The following KCNG2 variants were observed in gnomAD, a reference collection of about 807,000 sequenced individuals.
KCNG2 encodes voltage-gated potassium channel regulatory subunit KCNG2.
KCNG2 carries 7 observed loss-of-function variants against 12.3 expected under a neutral mutation model. The observed-to-expected ratio is 0.57, with a 90% CI of 0.32 to 1.07. KCNG2 has a LOEUF of 1.07. Among genes scored for constraint, KCNG2 ranks in the 50% least tolerant of loss-of-function variants. The pLI is 0.04. For synonymous variants in KCNG2, 414 were observed against 351.4 expected (o/e 1.18, Z -1.99); for missense variants, 703 against 726.0 (o/e 0.97, Z 0.36).
At chr18:79,807,382 C>A (rs1218879140) in intron 1 of KCNG2, among the ~76,000 whole-genome samples, 8 of 152,170 alleles carry the variant, frequency 5.3e-5, no homozygotes, top group Non-Finnish European at 4.4e-5. Context: ...AGATGATGAG[C>A]CTTTCTGCTC....
chr18:79,867,974 G>A lies in KCNG2; in HGVS notation c.624+3683G>A, dbSNP rs183611273. ...TGACTTAAATACAGGTTTGGAAGTCGGCTGCTGCCTGCAGTCTGGGTGTCT... is the reference window on the plus strand; with the variant it reads ...TGACTTAAATACAGGTTTGGAAGTCAGCTGCTGCCTGCAGTCTGGGTGTCT... On this transcript the variant is annotated intron_variant, in intron 3 of 3. Coordinates refer to ENST00000316249, the MANE Select transcript of KCNG2 (RefSeq NM_012283.2). Among the ~76,000 whole-genome samples, 42 of 152,280 alleles carry A rather than the reference G, an allele frequency of 2.8e-4. No homozygotes were observed. In the East Asian group the frequency reaches 7.1e-3, roughly 26 times the overall value.
intron 3 of KCNG2, among the ~76,000 whole-genome samples, chr18:79,869,847 C>T (rs1979759360): frequency 6.6e-6 from 1 of 152,340 alleles, no homozygotes; most frequent in South Asian, 2.1e-4. Flanking sequence ...GAGAGGTCAC[C>T]AGTGGTCACG....
chr18:79,827,452 T>C (rs1419219553), intron 1 of KCNG2, among the ~76,000 whole-genome samples: 2 of 152,180 alleles, frequency 1.3e-5, no homozygotes, highest in African/African-American at 2.4e-5. Context: ...GCCCCACCAG[T>C]GGGGCAGGGC....
intron 1 of KCNG2, among the ~76,000 whole-genome samples, chr18:79,828,846 GCA>G (rs776121122): frequency 7.5e-6 from 1 of 133,420 alleles, no homozygotes; most frequent in Non-Finnish European, 1.6e-5. Flanking sequence ...CATGATGTGT[GCA>G]TGTGTCTGTG....
At chr18:79,828,698 G>A (rs1978288228) in intron 1 of KCNG2, among the ~76,000 whole-genome samples, 1 of 150,412 alleles carries the variant, frequency 6.6e-6, no homozygotes, top group African/African-American at 2.4e-5. Context: ...TCCGTCTACA[G>A]GAATTTGCGT....
intron 3 of KCNG2, among the ~76,000 whole-genome samples, chr18:79,874,579 C>T (rs1185641913): frequency 6.6e-6 from 1 of 152,204 alleles, no homozygotes; most frequent in African/African-American, 2.4e-5. Context: ...GGGGGGCCCA[C>T]CCCAGAATTG....
intron 1 of KCNG2, among the ~76,000 whole-genome samples, chr18:79,852,203 C>T (rs1354734649): frequency 6.6e-6 from 1 of 152,224 alleles, no homozygotes; most frequent in East Asian, 1.9e-4. Context: ...GGTCCCCCGC[C>T]TCCAGTGACC....
In KCNG2 at chr18:79,899,378, G is replaced by A. The variant is rs906108465; in HGVS notation, c.963G>A (p.Glu321=). 6.4e-7 allele frequency: 1 copy of A among 1,564,068 alleles called. No individual in the cohort carries two copies. Residue 321 remains glutamate, a synonymous_variant, in exon 4 of 4, where the codon GAG becomes GAA. Coordinates refer to ENST00000316249, the MANE Select transcript of KCNG2 (RefSeq NM_012283.2). ...LGLTMRRCAR[E]FGLLLLFLCV... ...TGACCATGCGCCGCTGCGCGCGCGA[G>A]TTCGGGCTGCTGCTGCTGTTCCTCT... is the stretch of plus-strand genomic sequence containing the variant.
chr18:79,890,699 G>A (rs1342396261), intron 3 of KCNG2, among the ~76,000 whole-genome samples: 1 of 152,168 alleles, frequency 6.6e-6, no homozygotes, highest in African/African-American at 2.4e-5. Flanking sequence ...GAAGCATCTG[G>A]CCCTGGGCTT....
At chr18:79,883,672 G>T (rs1457579349) in intron 3 of KCNG2, among the ~76,000 whole-genome samples, 1 of 152,180 alleles carries the variant, frequency 6.6e-6, no homozygotes, top group Non-Finnish European at 1.5e-5. Context: ...GATGAGGAGG[G>T]GCCTGTCTGG....
intron 1 of KCNG2, among the ~76,000 whole-genome samples, chr18:79,846,000 AG>A (rs1412237060): frequency 6.6e-6 from 1 of 151,296 alleles, no homozygotes; most frequent in African/African-American, 2.4e-5. Context: ...CTGAGGCAGG[AG>A]AATGGCGTGA....
chr18:79,872,393 C>A (rs540998441), intron 3 of KCNG2, among the ~76,000 whole-genome samples: 69 of 138,934 alleles, frequency 5.0e-4, no homozygotes, highest in African/African-American at 1.7e-3. Context: ...TCAAGTGATT[C>A]TCCTGCCTCA....
In KCNG2 at chr18:79,899,232, G is replaced by C; in HGVS notation, c.817G>C (p.Gly273Arg). ...YVSLLLGLAA[G>R]PGGTKLLERA... ...GTCGCTGCTGCTGGGGCTGGCGGCAGGCCCGGGCGGGACCAAGCTCCTGGA... is the reference window on the plus strand; with the variant it reads ...GTCGCTGCTGCTGGGGCTGGCGGCACGCCCGGGCGGGACCAAGCTCCTGGA... The change falls in exon 4 of 4, where the codon GGC becomes CGC. Residue 273 changes from glycine to arginine, a missense_variant. Coordinates refer to ENST00000316249, the MANE Select transcript of KCNG2 (RefSeq NM_012283.2). The C allele has an allele frequency of 6.3e-7, 1 of 1,598,930 alleles. No homozygotes were observed.
Position 79,810,109 on chromosome 18 carries a change from C to T in KCNG2, c.-115+12095C>T, listed in dbSNP as rs558980855. Among the ~76,000 whole-genome samples the T allele has an allele frequency of 6.6e-5, 10 of 152,266 alleles. No individual in the cohort carries two copies. In the South Asian group the frequency reaches 2.1e-3, roughly 32 times the overall value. On this transcript the variant is annotated intron_variant, in intron 1 of 3. Coordinates refer to ENST00000316249, the MANE Select transcript of KCNG2 (RefSeq NM_012283.2). ...GCATCCCTCAGAACCTGTGTCAGCA[C>T]CCAGCTGGGCTTCTCATGTGCAAAG...
chr18:79,816,652 G>C (rs1022536572), intron 1 of KCNG2: 1 of 152,248 alleles, frequency 6.6e-6, no homozygotes, highest in Non-Finnish European at 1.5e-5. Context: ...CAAATGGTGT[G>C]AGCAACGTGT....
intron 1 of KCNG2, among the ~76,000 whole-genome samples, chr18:79,817,893 G>T (rs1030063533): frequency 6.6e-6 from 1 of 152,228 alleles, no homozygotes; most frequent in Non-Finnish European, 1.5e-5. Flanking sequence ...AGGTCTCGGG[G>T]TGGGGGTGCC....
At chr18:79,824,826 G>C (rs1350137320) in intron 1 of KCNG2, among the ~76,000 whole-genome samples, 1 of 152,114 alleles carries the variant, frequency 6.6e-6, no homozygotes, top group East Asian at 1.9e-4. Flanking sequence ...CTTTGTCGCA[G>C]TATTTTTTTT....
At chr18:79,802,813 G>A (rs2087421628) in intron 1 of KCNG2, among the ~76,000 whole-genome samples, 1 of 152,018 alleles carries the variant, frequency 6.6e-6, no homozygotes, top group South Asian at 2.1e-4. Context: ...TTTTATATCG[G>A]TACATTTTAT....
intron 3 of KCNG2, among the ~76,000 whole-genome samples, chr18:79,892,822 A>T (rs1980794041): frequency 6.6e-6 from 1 of 150,896 alleles, no homozygotes; most frequent in Non-Finnish European, 1.5e-5. Context: ...TGTTCATGCC[A>T]TTAATAACGA....
Sources: gnomAD v4.1 joint callset for allele counts (sites outside exome capture counted in the v4.1 genomes callset) on GRCh38, gnomAD v4.1.1 for gene constraint, MANE v1.5 for transcripts, NCBI Gene and HGNC (gene_info 2026-07-23, HGNC 2026-07-21) for gene names.